Variants in SRPK2 observed in about 807,000 individuals in gnomAD.
The protein encoded by SRPK2 is SFRS protein kinase 2.
SRPK2 carries 21 observed loss-of-function variants against 90.8 expected under a neutral mutation model. That is an observed-to-expected ratio of 0.23 (90% CI 0.16 to 0.33). The LOEUF is 0.33. Ranked by LOEUF, SRPK2 falls within the 10% of genes least tolerant of loss-of-function variation. The probability of loss-of-function intolerance (pLI) is 1.00; values close to 1 mark genes in which losing one functional copy is unlikely to be tolerated. For missense variants in SRPK2, 620 were observed against 869.0 expected (o/e 0.71, Z 3.60); for synonymous variants, 288 against 311.1 (o/e 0.93, Z 0.78).
At chr7:105,368,884 CAAA>C (rs5886350) in intron 2 of SRPK2, among the ~76,000 whole-genome samples, 2,193 of 93,134 alleles carry the variant, frequency 0.024, 22 homozygotes, top group Non-Finnish European at 0.033. Context: ...AACTCTATCT[CAAA>C]AAAAAAAAAA....
At chr7:105,183,852 G>GT (rs961321467) in intron 3 of SRPK2, among the ~76,000 whole-genome samples, 4 of 151,932 alleles carry the variant, frequency 2.6e-5, no homozygotes, top group African/African-American at 9.7e-5. Flanking sequence ...GAAACAAGCT[G>GT]TTTTTTCTCA....
intron 2 of SRPK2, among the ~76,000 whole-genome samples, chr7:105,315,185 T>A (rs185478883): frequency 2.6e-5 from 4 of 152,212 alleles, no homozygotes; most frequent in Admixed American, 2.0e-4. Context: ...CCCTAGCCAC[T>A]GAAAGTCAAG....
chr7:105,395,729 C>T (rs1316679796), intron 1 of SRPK2, among the ~76,000 whole-genome samples: 1 of 151,834 alleles, frequency 6.6e-6, no homozygotes, highest in East Asian at 1.9e-4. Flanking sequence ...AAGACTCTGT[C>T]TCCCAAAACA....
intron 2 of SRPK2, among the ~76,000 whole-genome samples, chr7:105,365,157 G>C (rs745992489): frequency 7.2e-5 from 11 of 151,986 alleles, no homozygotes; most frequent in Non-Finnish European, 1.5e-4. Context: ...TTTTTTTCCA[G>C]AATGGGGCAC....
At chr7:105,372,705 T>C (rs1819837669) in intron 2 of SRPK2, among the ~76,000 whole-genome samples, 1 of 152,202 alleles carries the variant, frequency 6.6e-6, no homozygotes, top group Non-Finnish European at 1.5e-5. Context: ...ATCTGGCAAC[T>C]CCAGGTAATG....
intron 11 of SRPK2, among the ~76,000 whole-genome samples, chr7:105,133,348 T>A (rs1363841989): frequency 6.6e-6 from 1 of 152,218 alleles, no homozygotes; most frequent in Non-Finnish European, 1.5e-5. Context: ...GACCTTTCTC[T>A]TTTTATCCCC....
chr7:105,371,878 T>C (rs919637391), intron 2 of SRPK2, among the ~76,000 whole-genome samples: 5 of 152,104 alleles, frequency 3.3e-5, no homozygotes, highest in African/African-American at 9.7e-5. Context: ...CTCACACTTA[T>C]AATTCCAGCA....
At chr7:105,237,432 G>A (rs2129621514) in intron 2 of SRPK2, among the ~76,000 whole-genome samples, 1 of 152,306 alleles carries the variant, frequency 6.6e-6, no homozygotes, top group African/African-American at 2.4e-5. Flanking sequence ...GGAGAAGAAT[G>A]TGCAGATATT....
chr7:105,310,581 T>C (rs141572583), intron 2 of SRPK2, among the ~76,000 whole-genome samples: 5 of 151,950 alleles, frequency 3.3e-5, no homozygotes, highest in African/African-American at 7.2e-5. Context: ...GAGGCAGAGG[T>C]TGTAGAAGCC....
Position 105,169,179 on chromosome 7 carries a change from C to G in SRPK2, c.316G>C (p.Val106Leu). ...RKLGWGHFST[V>L]WLCWDMQGKR... ...TACTGCATATCCCAGCACAGCCAGA[C>G]AGTAGAGAAGTGCCCCCATCCAAGC... Residue 106 changes from valine (V) to leucine (L), a missense_variant, in exon 4 of 16, where the codon GTC (valine) becomes CTC (leucine). By Grantham distance (32) the Val-to-Leu change is conservative. Transcript: ENST00000393651. 6.2e-7 allele frequency: 1 copy of G among 1,613,038 alleles called. No individual in the cohort carries two copies. The highest frequency in any genetic ancestry group is 1.1e-5 in the South Asian group (1 of 91,032).
chr7:105,223,537 T>C lies in SRPK2; in HGVS notation c.72-19752A>G, dbSNP rs1798353183. On this transcript the variant is annotated intron_variant, in intron 2 of 15. Transcript: ENST00000393651. Reference sequence around the variant, plus strand: ...GATTCTACTTTTCTTTCAACAATCATCTCAAACCTTATTGACTCCCTGTGA... The same window carrying C: ...GATTCTACTTTTCTTTCAACAATCACCTCAAACCTTATTGACTCCCTGTGA... Among the ~76,000 whole-genome samples, 4 of 152,186 alleles carry C rather than the reference T, an allele frequency of 2.6e-5. No homozygotes were observed. In the South Asian group the frequency reaches 8.3e-4, roughly 32 times the overall value.
intron 2 of SRPK2, among the ~76,000 whole-genome samples, chr7:105,292,684 A>G (rs1427583373): frequency 6.6e-6 from 1 of 152,058 alleles, no homozygotes; most frequent in Non-Finnish European, 1.5e-5. Context: ...TTTCTGTTTT[A>G]TTCCTTACAG....
intron 2 of SRPK2, among the ~76,000 whole-genome samples, chr7:105,363,059 G>T (rs1162544494): frequency 1.3e-5 from 2 of 151,986 alleles, no homozygotes; most frequent in African/African-American, 4.8e-5. Flanking sequence ...AGAGGGGAGG[G>T]ATAGCATTAG....
At chr7:105,244,367 C>T (rs1009039450) in intron 2 of SRPK2, among the ~76,000 whole-genome samples, 2 of 152,192 alleles carry the variant, frequency 1.3e-5, no homozygotes. Context: ...GTCAGGAATT[C>T]AATACCAGCC....
At chr7:105,376,734 C>CTCTACT (rs1820347377) in intron 2 of SRPK2, among the ~76,000 whole-genome samples, 2 of 151,588 alleles carry the variant, frequency 1.3e-5, no homozygotes, top group Non-Finnish European at 2.9e-5. Flanking sequence ...GATGGGGTTT[C>CTCTACT]GCCATGTTGG....
intron 2 of SRPK2, among the ~76,000 whole-genome samples, chr7:105,303,718 T>C (rs1250901035): frequency 1.3e-5 from 2 of 152,150 alleles, no homozygotes; most frequent in Non-Finnish European, 2.9e-5. Context: ...TTAAATCAAG[T>C]CTCATCTTTC....
At chr7:105,364,681 G>C (rs1338443299) in intron 2 of SRPK2, among the ~76,000 whole-genome samples, 1 of 151,960 alleles carries the variant, frequency 6.6e-6, no homozygotes, top group African/African-American at 2.4e-5. Context: ...GGGTTACAGG[G>C]GAGAGCCACC....
chr7:105,170,514 G>C (rs997284666), intron 3 of SRPK2, among the ~76,000 whole-genome samples: 3 of 151,758 alleles, frequency 2.0e-5, no homozygotes, highest in Non-Finnish European at 4.4e-5. Context: ...CCAACACGGT[G>C]AAACCCCATC....
chr7:105,264,320 C>A (rs183601566), intron 2 of SRPK2, among the ~76,000 whole-genome samples: 191 of 152,232 alleles, frequency 1.3e-3, no homozygotes, highest in Non-Finnish European at 2.2e-4. Context: ...CCTTTGCATA[C>A]GAGGCACCAA....
Sources: gnomAD v4.1 joint callset for allele counts (sites outside exome capture counted in the v4.1 genomes callset) on GRCh38, gnomAD v4.1.1 for gene constraint, MANE v1.5 for transcripts, NCBI Gene and HGNC (gene_info 2026-07-23, HGNC 2026-07-21) for gene names.